The following NCKAP1L variants were observed in gnomAD, a reference collection of about 807,000 sequenced individuals.
NCKAP1L encodes the protein NCK associated protein 1 like.
In NCKAP1L, 53 loss-of-function variants were observed where a neutral mutation model predicts 139.2. That is an observed-to-expected ratio of 0.38 (90% CI 0.31 to 0.48). NCKAP1L has a LOEUF of 0.48. NCKAP1L is among the 20% of genes least tolerant of loss of function. The pLI is 0.98. For missense variants in NCKAP1L, 1,151 were observed against 1,381.9 expected, an observed-to-expected ratio of 0.83 and a Z score of 2.65; for synonymous variants, 468 against 499.7, an observed-to-expected ratio of 0.94 and a Z score of 0.85.
In NCKAP1L at chr12:54,500,529, TC is replaced by T. The variant is rs752404463; in HGVS notation, c.214-3del. 3.7e-6 allele frequency: 6 copies of T among 1,601,726 alleles called. No homozygotes were observed. In the South Asian group the frequency reaches 6.6e-5, roughly 18 times the overall value. On this transcript the variant is annotated splice_region_variant and splice_polypyrimidine_tract_variant and intron_variant, in intron 2 of 30. Coordinates refer to ENST00000293373, the MANE Select transcript of NCKAP1L (RefSeq NM_005337.5). ...TTTATTGTTTTGTTTTGTGTTTCTCTCAGCAACATTTAGGACCAGTACATCG... is the reference window on the plus strand; with the variant it reads ...TTTATTGTTTTGTTTTGTGTTTCTCTAGCAACATTTAGGACCAGTACATCG...
intron 20 of NCKAP1L, among the ~76,000 whole-genome samples, chr12:54,525,726 A>G (rs1465631756): frequency 6.6e-6 from 1 of 151,938 alleles, no homozygotes; most frequent in Non-Finnish European, 1.5e-5. Context: ...GACCAGCCCC[A>G]CCTTTCCCAT....
At chr12:54,521,281 C>T (rs778155058) in intron 18 of NCKAP1L, 43 bp downstream of exon 18, 1 of 1,608,076 alleles carries the variant, frequency 6.2e-7, no homozygotes, top group African/African-American at 1.3e-5. Context: ...TCTGCCAGCG[C>T]TCAGTGCCTT....
At chr12:54,521,985 T>C (rs1222843485) in intron 18 of NCKAP1L, among the ~76,000 whole-genome samples, 2 of 152,080 alleles carry the variant, frequency 1.3e-5, no homozygotes, top group Non-Finnish European at 2.9e-5. Flanking sequence ...ACAATGGGGA[T>C]AAAAATAGTT....
At chr12:54,531,630 A>T (rs768516061) in intron 24 of NCKAP1L, 46 bp downstream of exon 24, 1 of 1,607,750 alleles carries the variant, frequency 6.2e-7, no homozygotes, top group Non-Finnish European at 8.5e-7. Flanking sequence ...GTGGAATCAC[A>T]TTGCAGATGA....
chr12:54,523,363 T>C (rs1430379903), intron 18 of NCKAP1L, 31 bp from the exon 19 acceptor site: 1 of 1,593,948 alleles, frequency 6.3e-7, no homozygotes, highest in Non-Finnish European at 8.5e-7. Flanking sequence ...ACAAATCCCC[T>C]TTCTCCATTT....
In NCKAP1L at chr12:54,536,939, C is replaced by T. The variant is rs746593515; in HGVS notation, c.3074-5C>T. The T allele has an allele frequency of 2.5e-6, 4 of 1,584,116 alleles. No individual in the cohort carries two copies. The highest frequency in any genetic ancestry group is 2.3e-5 in the East Asian group (1 of 43,866). ...TTCTCTCCATCTATATCAATAATAA[C>T]CTAGGTTACAACAACAATATTCATT... On this transcript the variant is annotated splice_polypyrimidine_tract_variant and splice_region_variant and intron_variant, in intron 28 of 30. Transcript: ENST00000293373.
chr12:54,516,052 G>T lies in NCKAP1L; in HGVS notation c.942-187G>T, dbSNP rs77957079. On this transcript the variant is annotated intron_variant, in intron 9 of 30. Coordinates refer to ENST00000293373, the MANE Select transcript of NCKAP1L (RefSeq NM_005337.5). ...GTAAAATTATGAGGTAGAGTTGAAT[G>T]ATCTCTAAGCTGTGAGTCTTTTATT... Among the ~76,000 whole-genome samples, 1,151 of 152,252 alleles carry T rather than the reference G, an allele frequency of 7.6e-3. 17 individuals carry two copies. The highest frequency in any genetic ancestry group is 0.026 in the African/African-American group (1,070 of 41,536).
intron 17 of NCKAP1L, 80 bp from the exon 18 acceptor site, chr12:54,521,039 A>G: frequency 6.3e-7 from 1 of 1,591,556 alleles, no homozygotes; most frequent in South Asian, 1.1e-5. Flanking sequence ...AGATTCAGGC[A>G]AGGGATGAGA....
intron 13 of NCKAP1L, 66 bp from the exon 14 acceptor site, chr12:54,518,585 C>T (rs1649545597): frequency 8.3e-7 from 1 of 1,210,734 alleles, no homozygotes; most frequent in South Asian, 1.2e-5. Context: ...GACTGAGCCT[C>T]ATGGTCCTAG....
At chr12:54,513,082 ACAGGG>A (rs1956901238) in intron 9 of NCKAP1L, among the ~76,000 whole-genome samples, 4 of 152,200 alleles carry the variant, frequency 2.6e-5, no homozygotes, top group Non-Finnish European at 5.9e-5. Flanking sequence ...GTGATTTCAG[ACAGGG>A]GAGTGACATG....
chr12:54,516,061 G>A (rs1041476109), intron 9 of NCKAP1L, among the ~76,000 whole-genome samples, 178 bp from the exon 10 acceptor site: 9 of 152,136 alleles, frequency 5.9e-5, no homozygotes, highest in Admixed American at 2.0e-4. Flanking sequence ...TGATCTCTAA[G>A]CTGTGAGTCT....
intron 3 of NCKAP1L, among the ~76,000 whole-genome samples, chr12:54,505,442 G>A (rs1357842220): frequency 1.4e-5 from 1 of 69,916 alleles, no homozygotes; most frequent in Non-Finnish European, 2.5e-5. Context: ...GGTTCCTTGT[G>A]CCTTTTTTTT....
Position 54,523,408 on chromosome 12 carries a change from C to G in NCKAP1L, c.1893C>G (p.His631Gln). 1 of 1,614,010 alleles carries G rather than the reference C, an allele frequency of 6.2e-7. No individual in the cohort carries two copies. Among genetic ancestry groups the G allele is most frequent in the African/African-American group, 1.3e-5 (1 of 75,018 alleles). Residue 631 changes from histidine to glutamine, a missense_variant, in exon 19 of 31, where the codon CAC becomes CAG. Transcript: ENST00000293373. Reference protein sequence around the residue: ...RNLSEQLLPKHCATTISKAKN... With the variant: ...RNLSEQLLPKQCATTISKAKN... Reference sequence around the variant, plus strand: ...TGTTTCTGAAGCTTCTACCTAAGCACTGTGCCACTACAATCAGCAAAGCCA... The same window carrying G: ...TGTTTCTGAAGCTTCTACCTAAGCAGTGTGCCACTACAATCAGCAAAGCCA...
chr12:54,538,735 A>C, intron 29 of NCKAP1L, 149 bp from the exon 30 acceptor site: 111 of 620,202 alleles, frequency 1.8e-4, no homozygotes, highest in East Asian at 3.4e-4. Flanking sequence ...TCTGAAACCT[A>C]GGAGATTTGC....
rs547630939 is a variant in NCKAP1L, at chr12:54,531,828, G to A, written c.2781+3G>A. On this transcript the variant is annotated splice_donor_region_variant and intron_variant, in intron 25 of 30. Transcript: ENST00000293373. ...TGGCCCAAGAGGGACTTCGGGAGGTGAGTTGGTGGGGAGGGGTCTGTCACA... is the reference window on the plus strand; with the variant it reads ...TGGCCCAAGAGGGACTTCGGGAGGTAAGTTGGTGGGGAGGGGTCTGTCACA... 1 of 1,608,688 alleles carries A rather than the reference G, an allele frequency of 6.2e-7. No homozygotes were observed. The highest frequency in any genetic ancestry group is 1.3e-5 in the African/African-American group (1 of 74,956).
In NCKAP1L at chr12:54,542,769, G is replaced by C; in HGVS notation, c.*84G>C. The C allele has an allele frequency of 1.4e-6, 1 of 733,392 alleles. No individual in the cohort carries two copies. The allele number at this position is 733,392 out of a possible 1,614,324, so 45.4% of individuals were successfully genotyped here. A position where few individuals can be genotyped will look rare whatever the true frequency, so the allele number is the denominator to read the frequency against. Reference sequence around the variant, plus strand: ...GAAGCTGTGGTCACTTTCGCAGGGGGTGGGAATGGGGTGGGGTCACTAAGG... The same window carrying C: ...GAAGCTGTGGTCACTTTCGCAGGGGCTGGGAATGGGGTGGGGTCACTAAGG... On this transcript the variant is annotated 3_prime_UTR_variant, in exon 31 of 31. Coordinates refer to ENST00000293373, the MANE Select transcript of NCKAP1L (RefSeq NM_005337.5).
intron 18 of NCKAP1L, among the ~76,000 whole-genome samples, chr12:54,522,867 A>G: frequency 6.6e-6 from 1 of 152,154 alleles, no homozygotes; most frequent in Non-Finnish European, 1.5e-5. Context: ...TTAGCAAGAA[A>G]TATGCTACTT....
At chr12:54,498,649 T>A in intron 1 of NCKAP1L, 1 of 287,860 alleles carries the variant, frequency 3.5e-6, no homozygotes, top group Non-Finnish European at 5.2e-6. Flanking sequence ...ATCCTGTAAA[T>A]GCCCTTTGGG....
intron 30 of NCKAP1L, 132 bp downstream of exon 30, chr12:54,539,105 C>G: frequency 1.4e-6 from 1 of 698,374 alleles, no homozygotes; most frequent in Non-Finnish European, 2.5e-6. Context: ...CTCTGCATAA[C>G]CCTCTGAATG....
Sources: allele counts gnomAD v4.1 joint callset (sites outside exome capture counted in the v4.1 genomes callset), GRCh38; gene constraint gnomAD v4.1.1; transcripts MANE v1.5; gene names NCBI Gene and HGNC (gene_info 2026-07-23, HGNC 2026-07-21).